LRRK2: variants seen among roughly 807,000 people sequenced by gnomAD.
LRRK2 encodes leucine rich repeat kinase 2.
A neutral mutation model predicts 302.6 loss-of-function variants in LRRK2; 203 were observed. The observed-to-expected ratio is 0.67, with a 90% CI of 0.60 to 0.75. The LOEUF is 0.75. Ranked by LOEUF, LRRK2 falls within the 30% of genes least tolerant of loss-of-function variation. The pLI, the probability that LRRK2 is intolerant of heterozygous loss-of-function variation, is 0.00. For missense variants in LRRK2, 2,830 were observed against 2,951.0 expected (o/e 0.96, Z 0.95); for synonymous variants, 1,066 against 1,031.9 (o/e 1.03, Z -0.63).
At chr12:40,360,541 C>T (rs1313662674) in intron 47 of LRRK2, among the ~76,000 whole-genome samples, 1 of 152,084 alleles carries the variant, frequency 6.6e-6, no homozygotes, top group Non-Finnish European at 1.5e-5. Context: ...ATCCAGTTCT[C>T]ACCCTCTGAT....
At position 40,237,172 on chromosome 12, in the gene LRRK2, C is replaced by A. The variant is rs150818927; in HGVS notation, c.437-797C>A. ...GCATATTTGGAGTGAAGACAATGTG[C>A]GGAAGGAAAGGAGCTGATGAGATAC... On this transcript the variant is annotated intron_variant, in intron 4 of 50. Transcript: ENST00000298910. Among the ~76,000 whole-genome samples the A allele has an allele frequency of 3.1e-3, 472 of 151,900 alleles. 3 individuals carry two copies. Among genetic ancestry groups the A allele is most frequent in the Non-Finnish European group, 5.2e-3 (353 of 67,924 alleles).
At chr12:40,350,834 A>G (rs771340153) in intron 43 of LRRK2, among the ~76,000 whole-genome samples, 1 of 152,128 alleles carries the variant, frequency 6.6e-6, no homozygotes, top group Non-Finnish European at 1.5e-5. Flanking sequence ...CTTCACCTAT[A>G]CTTAACAGAA....
Position 40,259,544 on chromosome 12 carries a change from G to A in LRRK2, c.1483G>A (p.Glu495Lys). 1.2e-6 allele frequency: 2 copies of A among 1,613,400 alleles called. No homozygotes were observed. The highest frequency in any genetic ancestry group is 1.7e-6 in the Non-Finnish European group (2 of 1,179,518). ...AATACTAACAGTTATGAAACGTCAT[G>A]AGACATCATTACCAGTGCAGCTGGA... ...PKILTVMKRH[E>K]TSLPVQLEAL... The change falls in exon 13 of 51, where the codon GAG becomes AAG. Residue 495 changes from glutamate to lysine, a missense_variant. Transcript: ENST00000298910.
intron 38 of LRRK2, among the ~76,000 whole-genome samples, chr12:40,325,342 T>C (rs1314376915): frequency 6.6e-6 from 1 of 152,136 alleles, no homozygotes. Context: ...AGGAAAATGT[T>C]TGTGATTACT....
At chr12:40,330,228 C>G (rs11176053) in intron 39 of LRRK2, among the ~76,000 whole-genome samples, 1 of 151,952 alleles carries the variant, frequency 6.6e-6, no homozygotes, top group Non-Finnish European at 1.5e-5. Context: ...TAAATGTTTT[C>G]AGTCCTTACA....
At chr12:40,253,165 T>G (rs916719831) in intron 11 of LRRK2, 149 bp downstream of exon 11, 6 of 595,106 alleles carry the variant, frequency 1.0e-5, no homozygotes, top group Non-Finnish European at 6.0e-6. Context: ...TATTGACATA[T>G]GGATTATGAA....
At position 40,309,132 on chromosome 12, in the gene LRRK2, C is replaced by A. The variant is rs1414844149; in HGVS notation, c.4216C>A (p.Pro1406Thr). 1 of 1,613,718 alleles carries A rather than the reference C, an allele frequency of 6.2e-7. No individual in the cohort carries two copies. Among genetic ancestry groups the A allele is most frequent in the South Asian group, 1.1e-5 (1 of 91,050 alleles). ...AGREEFYSTH[P>T]HFMTQRALYL... ...TCGTGAGGAATTCTATAGTACTCATCCCCATTTTATGACGCAGCGAGCATT... is the reference window on the plus strand; with the variant it reads ...TCGTGAGGAATTCTATAGTACTCATACCCATTTTATGACGCAGCGAGCATT... The change falls in exon 30 of 51, where the codon CCC becomes ACC. Residue 1406 changes from proline (P) to threonine (T), a missense_variant. Around this residue, in one of 3 missense-constraint regions of LRRK2, gnomAD observed 2,121 missense variants for 2,148.0 expected, o/e 0.99. Transcript: ENST00000298910.
chr12:40,332,565 T>G (rs1290857023), intron 39 of LRRK2, among the ~76,000 whole-genome samples: 1 of 152,194 alleles, frequency 6.6e-6, no homozygotes, highest in Non-Finnish European at 1.5e-5. Context: ...TTTTGTAACC[T>G]TTAAAAAATA....
At chr12:40,353,611 A>C (rs972658385) in intron 44 of LRRK2, among the ~76,000 whole-genome samples, 1 of 152,114 alleles carries the variant, frequency 6.6e-6, no homozygotes, top group Non-Finnish European at 1.5e-5. Flanking sequence ...CAATCTCGGC[A>C]CTTTGGGAGG....
chr12:40,333,640 A>G (rs1426822439), intron 39 of LRRK2, among the ~76,000 whole-genome samples: 2 of 151,658 alleles, frequency 1.3e-5, no homozygotes, highest in African/African-American at 4.8e-5. Flanking sequence ...ACCCTTACTA[A>G]GGCAATCCCT....
At chr12:40,263,941 T>A in intron 14 of LRRK2, 40 bp downstream of exon 14, 1 of 1,410,030 alleles carries the variant, frequency 7.1e-7, no homozygotes, top group Non-Finnish European at 1.0e-6. Context: ...TACTATTAAC[T>A]AAAATATTAA....
chr12:40,231,312 A>G (rs1592133815), intron 2 of LRRK2, among the ~76,000 whole-genome samples: 1 of 148,354 alleles, frequency 6.7e-6, no homozygotes, highest in African/African-American at 2.5e-5. Flanking sequence ...CAGCACTTTG[A>G]GAGGCCAAGT....
At chr12:40,321,819 C>T (rs1383942373) in intron 35 of LRRK2, among the ~76,000 whole-genome samples, 1 of 151,998 alleles carries the variant, frequency 6.6e-6, no homozygotes, top group Non-Finnish European at 1.5e-5. Flanking sequence ...CAGCATCAAC[C>T]TGAAATGGAT....
chr12:40,295,779 GT>G, intron 23 of LRRK2, 135 bp downstream of exon 23: 1 of 782,034 alleles, frequency 1.3e-6, no homozygotes, highest in Non-Finnish European at 2.0e-6. Flanking sequence ...CGTGCCTCTG[GT>G]TTTTGCACAC....
intron 28 of LRRK2, among the ~76,000 whole-genome samples, chr12:40,307,562 A>C (rs1712190694): frequency 6.6e-6 from 1 of 151,898 alleles, no homozygotes; most frequent in African/African-American, 2.4e-5. Context: ...CTCACTATCC[A>C]TATATACTAT....
chr12:40,321,990 C>T (rs1183713001), intron 35 of LRRK2, 45 bp from the exon 36 acceptor site: 1 of 1,605,632 alleles, frequency 6.2e-7, no homozygotes, highest in African/African-American at 1.3e-5. Flanking sequence ...GATTTTTTCC[C>T]TTTAACTTAG....
chr12:40,309,532 TC>T (rs1944965415), intron 30 of LRRK2, among the ~76,000 whole-genome samples: 1 of 152,092 alleles, frequency 6.6e-6, no homozygotes, highest in Non-Finnish European at 1.5e-5. Context: ...TTAAATGAAA[TC>T]TAAATTTTTC....
chr12:40,309,292 G>A, intron 30 of LRRK2, 59 bp downstream of exon 30: 2 of 1,573,010 alleles, frequency 1.3e-6, no homozygotes, highest in East Asian at 4.6e-5. Flanking sequence ...GTGCGTGTGT[G>A]TGTGTGTGTG....
chr12:40,304,229 T>C, intron 27 of LRRK2, 95 bp downstream of exon 27: 1 of 1,189,152 alleles, frequency 8.4e-7, no homozygotes, highest in Non-Finnish European at 1.2e-6. Flanking sequence ...AATACCAATT[T>C]CATGAAACTA....
Sources: gnomAD v4.1 joint callset for allele counts (sites outside exome capture counted in the v4.1 genomes callset) on GRCh38, gnomAD v4.1.1 for gene constraint, gnomAD v4.1.1 regional missense constraint, MANE v1.5 for transcripts, NCBI Gene and HGNC (gene_info 2026-07-23, HGNC 2026-07-21) for gene names.